Variants in SCTR observed in about 807,000 individuals in gnomAD.
SCTR encodes the protein secretin receptor, also known as pancreatic secretin receptor.
SCTR carries 56 observed loss-of-function variants against 60.8 expected under a neutral mutation model. The ratio of observed to expected loss-of-function variants is 0.92; its 90% CI spans 0.74 to 1.15. The LOEUF is 1.15. SCTR is among the 50% of genes most tolerant of loss of function. The pLI is 0.00. For synonymous variants in SCTR, 202 were observed against 217.0 expected, an observed-to-expected ratio of 0.93 and a Z score of 0.61; for missense variants, 562 against 550.4, an observed-to-expected ratio of 1.02 and a Z score of -0.21.
intron 1 of SCTR, among the ~76,000 whole-genome samples, chr2:119,500,751 G>A (rs980395585): frequency 1.3e-5 from 2 of 152,132 alleles, no homozygotes; most frequent in Non-Finnish European, 2.9e-5. Flanking sequence ...GGGTTGAAGA[G>A]AGGTTGAATA....
Position 119,440,081 on chromosome 2 carries a change from T to G in SCTR, c.*36A>C. 1.9e-6 allele frequency: 3 copies of G among 1,601,576 alleles called. No homozygotes were observed. The highest frequency in any genetic ancestry group is 2.6e-6 in the Non-Finnish European group (3 of 1,172,160). ...GTGCCCAGCCTTCGCAGGACCTCTC[T>G]TGGTCTCTGTCCGTGGGTGACCCTG... On this transcript the variant is annotated 3_prime_UTR_variant, in exon 13 of 13. Transcript: ENST00000019103.
In SCTR at chr2:119,494,489, C is replaced by G; in HGVS notation, c.132G>C (p.Gln44His). 1 of 1,614,144 alleles carries G rather than the reference C, an allele frequency of 6.2e-7. No individual in the cohort carries two copies. The highest frequency in any genetic ancestry group is 8.5e-7 in the Non-Finnish European group (1 of 1,179,994). The change falls in exon 2 of 13, where the codon CAG (glutamine) becomes CAC (histidine). Residue 44 changes from glutamine (Q) to histidine (H), a missense_variant. By Grantham distance (24) the Gln-to-His change is conservative (BLOSUM62 0). Coordinates refer to ENST00000019103, the MANE Select transcript of SCTR (RefSeq NM_002980.3). Reference sequence around the variant, plus strand: ...GCTCTCTGGAGAGTTCCTGCAGGCACTGGTCTTGCTCTTCCCACAGCACTT... The same window carrying G: ...GCTCTCTGGAGAGTTCCTGCAGGCAGTGGTCTTGCTCTTCCCACAGCACTT... ...VLQVLWEEQD[Q>H]CLQELSREQT... is the part of the protein sequence containing the mutation.
At position 119,494,433 on chromosome 2, in the gene SCTR, A is replaced by G; in HGVS notation, c.188T>C (p.Val63Ala). The G allele has an allele frequency of 6.2e-7, 1 of 1,613,692 alleles. No homozygotes were observed. Residue 63 changes from valine (V) to alanine (A), a missense_variant, in exon 2 of 13, where the codon GTG becomes GCG. Coordinates refer to ENST00000019103, the MANE Select transcript of SCTR (RefSeq NM_002980.3). ...QTGDLGTEQP[V>A]PGCEGMWDNI... ...GGCTGTGGCAAGCCTCATACCTGGC[A>G]CTGGCTGCTCCGTGCCCAGGTCTCC...
intron 1 of SCTR, among the ~76,000 whole-genome samples, chr2:119,508,209 C>T (rs528963628): frequency 1.3e-5 from 2 of 152,144 alleles, no homozygotes; most frequent in East Asian, 1.9e-4. Flanking sequence ...GTGGATATTG[C>T]GGTGAACCAT....
chr2:119,516,199 A>G (rs1441952906), intron 1 of SCTR, among the ~76,000 whole-genome samples: 2 of 152,236 alleles, frequency 1.3e-5, no homozygotes, highest in African/African-American at 4.8e-5. Context: ...CATATGATTC[A>G]GGAATCACAC....
intron 4 of SCTR, among the ~76,000 whole-genome samples, chr2:119,471,240 C>T (rs1676997499): frequency 6.6e-6 from 1 of 152,100 alleles, no homozygotes. Flanking sequence ...CCTCATCCGG[C>T]CACCCATCAT....
intron 1 of SCTR, among the ~76,000 whole-genome samples, chr2:119,504,636 G>A (rs997016606): frequency 6.6e-6 from 1 of 151,792 alleles, no homozygotes; most frequent in East Asian, 1.9e-4. Context: ...TAAAAGCATA[G>A]GAGAAAATCT....
At chr2:119,475,460 C>T (rs1677232086) in intron 3 of SCTR, among the ~76,000 whole-genome samples, 1 of 152,128 alleles carries the variant, frequency 6.6e-6, no homozygotes, top group Admixed American at 6.5e-5. Context: ...GCTAACAAGG[C>T]AGGGCCCCCT....
chr2:119,494,649 G>C, intron 1 of SCTR, 101 bp from the exon 2 acceptor site: 1 of 1,259,082 alleles, frequency 7.9e-7, no homozygotes. Flanking sequence ...GGGGATTCAA[G>C]TAAAGCAAAG....
At chr2:119,467,739 A>G (rs1231714734) in intron 4 of SCTR, among the ~76,000 whole-genome samples, 1 of 152,234 alleles carries the variant, frequency 6.6e-6, no homozygotes, top group Non-Finnish European at 1.5e-5. Context: ...TAGTTACATC[A>G]ATTATTTCAA....
At chr2:119,464,078 A>G (rs1299359967) in intron 6 of SCTR, 45 bp downstream of exon 6, 7 of 1,608,452 alleles carry the variant, frequency 4.4e-6, no homozygotes, top group Non-Finnish European at 6.0e-6. Flanking sequence ...AGGCTGGGGA[A>G]GGCAGGCGGG....
At chr2:119,456,970 A>C (rs1683399034) in intron 7 of SCTR, among the ~76,000 whole-genome samples, 3 of 152,222 alleles carry the variant, frequency 2.0e-5, no homozygotes, top group African/African-American at 4.8e-5. Flanking sequence ...ATCCTCCGTC[A>C]GGGCCTCCAA....
intron 11 of SCTR, among the ~76,000 whole-genome samples, chr2:119,444,438 CAT>C (rs374717905): frequency 0.23 from 8,442 of 37,394 alleles, 1,748 homozygotes; most frequent in East Asian, 0.5. Flanking sequence ...TGAATATACA[CAT>C]ATATATACGT....
Position 119,524,449 on chromosome 2 carries a change from C to T in SCTR, c.-223G>A, listed in dbSNP as rs1373722067. The T allele has an allele frequency of 5.5e-6, 2 of 366,552 alleles. No individual in the cohort carries two copies. Among genetic ancestry groups the T allele is most frequent in the Admixed American group, 4.7e-5 (1 of 21,418 alleles). The allele number at this position is 366,552 out of a possible 1,614,324, so 22.7% of individuals were successfully genotyped here. On this transcript the variant is annotated 5_prime_UTR_variant, in exon 1 of 13. Coordinates refer to ENST00000019103, the MANE Select transcript of SCTR (RefSeq NM_002980.3). The stretch of plus-strand genomic sequence containing the variant: ...GCCCGCCCCATTGATCAGGACGCGG[C>T]TTTGCCGGCGCGCCTCCTCCACCCG...
At chr2:119,488,667 A>C (rs143795569) in intron 2 of SCTR, among the ~76,000 whole-genome samples, 1 of 152,348 alleles carries the variant, frequency 6.6e-6, no homozygotes, top group Non-Finnish European at 1.5e-5. Context: ...ACCCACAGGC[A>C]GGGCTGAGGG....
intron 1 of SCTR, among the ~76,000 whole-genome samples, chr2:119,515,269 A>T (rs1679077906): frequency 6.6e-6 from 1 of 152,238 alleles, no homozygotes; most frequent in Admixed American, 6.5e-5. Flanking sequence ...CAAGTCTGCC[A>T]TTATGAGAAG....
intron 1 of SCTR, among the ~76,000 whole-genome samples, chr2:119,516,876 T>A (rs1303654403): frequency 6.6e-6 from 1 of 152,088 alleles, no homozygotes; most frequent in Non-Finnish European, 1.5e-5. Context: ...GGAGGATCAC[T>A]TGAACCTCTT....
chr2:119,467,320 A>G (rs1683879442), intron 4 of SCTR, among the ~76,000 whole-genome samples: 1 of 151,894 alleles, frequency 6.6e-6, no homozygotes, highest in Non-Finnish European at 1.5e-5. Flanking sequence ...TGGGGGTTGC[A>G]GTGAGCTGAG....
chr2:119,522,683 C>T (rs553113623), intron 1 of SCTR, among the ~76,000 whole-genome samples: 3 of 152,154 alleles, frequency 2.0e-5, no homozygotes, highest in Admixed American at 6.5e-5. Flanking sequence ...GTACCAGTTA[C>T]GACAGTCTCA....
Sources: gnomAD v4.1 joint callset for allele counts (sites outside exome capture counted in the v4.1 genomes callset) on GRCh38, gnomAD v4.1.1 for gene constraint, MANE v1.5 for transcripts, NCBI Gene and HGNC (gene_info 2026-07-23, HGNC 2026-07-21) for gene names.